The following DAB2IP variants were observed in gnomAD, a reference collection of about 807,000 sequenced individuals.
DAB2IP encodes disabled homolog 2-interacting protein.
Under a neutral mutation model 107.2 loss-of-function variants are expected in DAB2IP, and 28 were observed. The ratio of observed to expected loss-of-function variants is 0.26; its 90% CI spans 0.19 to 0.36. The LOEUF is 0.36. DAB2IP is among the 10% of genes least tolerant of loss of function. DAB2IP has a pLI of 1.00. For synonymous variants in DAB2IP, 755 were observed against 706.4 expected, an observed-to-expected ratio of 1.07 and a Z score of -1.09; for missense variants, 1,400 against 1,644.7, an observed-to-expected ratio of 0.85 and a Z score of 2.57.
chr9:121,746,724 A>C (rs1386635366), intron 3 of DAB2IP, among the ~76,000 whole-genome samples: 1 of 152,228 alleles, frequency 6.6e-6, no homozygotes, highest in African/African-American at 2.4e-5. Context: ...GAATTAGATA[A>C]GCCAGAGGGG....
At position 121,752,492 on chromosome 9, in the gene DAB2IP, C is replaced by T. The variant is rs1408665509; in HGVS notation, c.363-4521C>T. 4.6e-5 allele frequency among the ~76,000 whole-genome samples: 7 copies of T among 152,350 alleles called. No individual in the cohort carries two copies. In the East Asian group the frequency reaches 1.2e-3, roughly 25 times the overall value. On this transcript the variant is annotated intron_variant, in intron 3 of 15. Transcript: ENST00000408936. ...AGTTCTGTGACAGACCTTCCCAGCACAGCCTGGATATGGCTGTCTGCCCAG... is the reference window on the plus strand; with the variant it reads ...AGTTCTGTGACAGACCTTCCCAGCATAGCCTGGATATGGCTGTCTGCCCAG...
At chr9:121,578,380 A>C (rs1384148847) in intron 1 of DAB2IP, among the ~76,000 whole-genome samples, 1 of 147,458 alleles carries the variant, frequency 6.8e-6, no homozygotes, top group East Asian at 2.0e-4. Context: ...CTCTCCCCCT[A>C]GTGACTCCTG....
At chr9:121,672,509 T>A (rs965435934) in intron 1 of DAB2IP, among the ~76,000 whole-genome samples, 4 of 152,214 alleles carry the variant, frequency 2.6e-5, no homozygotes, top group African/African-American at 7.2e-5. Context: ...ATTTTATTTA[T>A]TTTTTGCAAA....
intron 12 of DAB2IP, 85 bp from the exon 13 acceptor site, chr9:121,774,175 T>A: frequency 3.6e-6 from 5 of 1,404,714 alleles, no homozygotes; most frequent in Non-Finnish European, 4.7e-6. Context: ...GAGTTGCTTG[T>A]CCTTGTGGCT....
At chr9:121,740,733 C>G (rs1832278223) in intron 3 of DAB2IP, among the ~76,000 whole-genome samples, 1 of 152,216 alleles carries the variant, frequency 6.6e-6, no homozygotes, top group Non-Finnish European at 1.5e-5. Flanking sequence ...GTTTCAGTGT[C>G]TGTTGAATGA....
intron 1 of DAB2IP, among the ~76,000 whole-genome samples, chr9:121,578,685 A>C (rs988721100): frequency 1.7e-5 from 2 of 120,354 alleles, no homozygotes; most frequent in African/African-American, 6.5e-5. Flanking sequence ...AGTCTCTCCC[A>C]TCCCATCCTC....
chr9:121,646,126 TC>T (rs1412396707), intron 1 of DAB2IP, among the ~76,000 whole-genome samples: 1 of 152,162 alleles, frequency 6.6e-6, no homozygotes, highest in Non-Finnish European at 1.5e-5. Context: ...GTCCCCCACT[TC>T]CGCCTGTGTT....
intron 15 of DAB2IP, among the ~76,000 whole-genome samples, chr9:121,781,975 TTCAC>T (rs1333401551): frequency 6.6e-6 from 1 of 152,142 alleles, no homozygotes; most frequent in Non-Finnish European, 1.5e-5. Context: ...CCGCTTTCCT[TTCAC>T]TCACCCAGGA....
intron 1 of DAB2IP, among the ~76,000 whole-genome samples, chr9:121,642,163 C>G (rs1171731979): frequency 1.3e-5 from 2 of 150,724 alleles, no homozygotes; most frequent in African/African-American, 4.9e-5. Context: ...TCACTGTAGC[C>G]TCAACCTCCC....
At chr9:121,573,248 G>T (rs1829990883) in intron 1 of DAB2IP, among the ~76,000 whole-genome samples, 2 of 151,278 alleles carry the variant, frequency 1.3e-5, no homozygotes, top group South Asian at 4.2e-4. Context: ...GGCTAATTTT[G>T]AATTTTTTGG....
intron 1 of DAB2IP, among the ~76,000 whole-genome samples, chr9:121,579,761 G>A (rs1055726951): frequency 6.6e-6 from 1 of 152,192 alleles, no homozygotes; most frequent in African/African-American, 2.4e-5. Context: ...GGCACTTTCT[G>A]CTGCATATTT....
chr9:121,741,688 TGAGA>T (rs1417594396), intron 3 of DAB2IP, among the ~76,000 whole-genome samples: 1 of 151,718 alleles, frequency 6.6e-6, no homozygotes, highest in Non-Finnish European at 1.5e-5. Context: ...AGAAACAGGC[TGAGA>T]GAAAGAAATG....
rs185863171 is a variant in DAB2IP, at chr9:121,737,083, C to T, written c.363-19930C>T. 1.0e-4 allele frequency: 73 copies of T among 696,828 alleles called. No individual in the cohort carries two copies. In the African/African-American group the frequency reaches 1.3e-3, roughly 13 times the overall value. The allele number at this position is 696,828 out of a possible 1,614,324, so 43.2% of individuals were successfully genotyped here. On this transcript the variant is annotated intron_variant, in intron 3 of 15. Coordinates refer to ENST00000408936, the Ensembl canonical transcript of DAB2IP. ...AATGGCAAATACAAAGGCCCAGAGG[C>T]GGGGCTTGGGGCAGGATATGACCTT... is the stretch of plus-strand genomic sequence containing the variant.
chr9:121,645,480 T>A (rs1832503989), intron 1 of DAB2IP, among the ~76,000 whole-genome samples: 1 of 152,154 alleles, frequency 6.6e-6, no homozygotes, highest in South Asian at 2.1e-4. Context: ...TCTTGGCGGC[T>A]GTATTTGGGT....
At chr9:121,666,487 T>C (rs1833432191) in intron 1 of DAB2IP, among the ~76,000 whole-genome samples, 1 of 152,088 alleles carries the variant, frequency 6.6e-6, no homozygotes, top group Non-Finnish European at 1.5e-5. Context: ...CTAGAAAAAG[T>C]GTGCAGTGGT....
intron 3 of DAB2IP, among the ~76,000 whole-genome samples, chr9:121,747,362 C>CTTTTTTTTT (rs1564196322): frequency 2.3e-5 from 3 of 130,224 alleles, no homozygotes; most frequent in African/African-American, 9.4e-5. Flanking sequence ...TTTTTTTTTC[C>CTTTTTTTTT]CCTGAGACAG....
At chr9:121,619,015 C>T (rs1420940652) in intron 1 of DAB2IP, among the ~76,000 whole-genome samples, 1 of 152,202 alleles carries the variant, frequency 6.6e-6, no homozygotes, top group African/African-American at 2.4e-5. Flanking sequence ...GGAGCCCTTT[C>T]TGACCGGCTG....
rs116601212 is a variant in DAB2IP, at chr9:121,593,568, A to G, written c.40+26340A>G. On this transcript the variant is annotated intron_variant, in intron 1 of 16. Coordinates refer to the DAB2IP transcript ENST00000259371. Reference sequence around the variant, plus strand: ...ATTACAGACATGAGCCACTGTGCTCAGCCCCCTGGAATTTTTGATCAGCCT... The same window carrying G: ...ATTACAGACATGAGCCACTGTGCTCGGCCCCCTGGAATTTTTGATCAGCCT... 3.6e-3 allele frequency among the ~76,000 whole-genome samples: 543 copies of G among 152,006 alleles called. 5 individuals carry two copies. The highest frequency in any genetic ancestry group is 0.013 in the African/African-American group (520 of 41,480).
At chr9:121,735,702 C>T (rs1253838098) in intron 3 of DAB2IP, among the ~76,000 whole-genome samples, 2 of 152,110 alleles carry the variant, frequency 1.3e-5, no homozygotes, top group Non-Finnish European at 2.9e-5. Flanking sequence ...GGAGGTGTGA[C>T]GGTATGATAC....
Sources: gnomAD v4.1 joint callset for allele counts (sites outside exome capture counted in the v4.1 genomes callset) on GRCh38, gnomAD v4.1.1 for gene constraint, MANE v1.5 for transcripts, NCBI Gene and HGNC (gene_info 2026-07-23, HGNC 2026-07-21) for gene names.